Variants in DLG2 observed in about 807,000 individuals in gnomAD.
The protein encoded by DLG2 is discs large MAGUK scaffold protein 2, also known as disks large homolog 2.
Under a neutral mutation model 132.5 loss-of-function variants are expected in DLG2, and 45 were observed. The ratio of observed to expected loss-of-function variants is 0.34; its 90% CI spans 0.27 to 0.44. DLG2 has a LOEUF of 0.44. DLG2 is among the 20% of genes least tolerant of loss of function. The pLI is 1.00. For synonymous variants in DLG2, 424 were observed against 419.6 expected (o/e 1.01, Z -0.13); for missense variants, 1,045 against 1,196.9 (o/e 0.87, Z 1.87).
chr11:84,269,110 A>G (rs956372899), intron 7 of DLG2, among the ~76,000 whole-genome samples: 8 of 152,168 alleles, frequency 5.3e-5, no homozygotes, highest in African/African-American at 1.9e-4. Context: ...TTGAATTGCA[A>G]TTGTGAGAAA....
intron 6 of DLG2, among the ~76,000 whole-genome samples, chr11:84,836,917 T>C (rs551508970): frequency 5.3e-5 from 8 of 152,004 alleles, no homozygotes; most frequent in African/African-American, 1.7e-4. Flanking sequence ...CGTGCAGGTT[T>C]GTTACAGATG....
intron 7 of DLG2, among the ~76,000 whole-genome samples, chr11:84,349,915 C>T (rs1357024828): frequency 6.6e-6 from 1 of 151,824 alleles, no homozygotes; most frequent in Admixed American, 6.6e-5. Context: ...CGGTGGCTCA[C>T]GCCTGTAATC....
chr11:83,822,786 T>G (rs2051214785), intron 17 of DLG2, among the ~76,000 whole-genome samples: 1 of 152,142 alleles, frequency 6.6e-6, no homozygotes, highest in Admixed American at 6.5e-5. Flanking sequence ...TTTTTTCATA[T>G]AAGTTACCTG....
chr11:84,706,201 G>A (rs1565718290), intron 6 of DLG2, among the ~76,000 whole-genome samples: 1 of 151,738 alleles, frequency 6.6e-6, no homozygotes, highest in Non-Finnish European at 1.5e-5. Context: ...GATCAATACT[G>A]TATTTGCTAA....
rs149830007 is a variant in DLG2, at chr11:83,539,249, T to C, written c.2117+2433A>G. Among the ~76,000 whole-genome samples, 148 of 152,286 alleles carry C rather than the reference T, an allele frequency of 9.7e-4. 1 individual carries two copies. Among genetic ancestry groups the C allele is most frequent in the South Asian group, 8.9e-3 (43 of 4,826 alleles). On this transcript the variant is annotated intron_variant, in intron 20 of 27. Coordinates refer to ENST00000376104, the MANE Select transcript of DLG2 (RefSeq NM_001142699.3). Reference sequence around the variant, plus strand: ...TCATACTCTTCATCTCATGGTTTCATTTGGGATGATTAAATGACATTATCA... The same window carrying C: ...TCATACTCTTCATCTCATGGTTTCACTTGGGATGATTAAATGACATTATCA...
chr11:85,585,801 C>T (rs917085988), intron 3 of DLG2, among the ~76,000 whole-genome samples: 2 of 151,926 alleles, frequency 1.3e-5, no homozygotes, highest in Admixed American at 1.3e-4. Context: ...GCAACCTCTG[C>T]CTCCCAGGTT....
intron 18 of DLG2, among the ~76,000 whole-genome samples, chr11:83,767,225 A>C (rs2094182347): frequency 6.6e-6 from 1 of 152,110 alleles, no homozygotes; most frequent in East Asian, 1.9e-4. Context: ...TTTAGGATAA[A>C]ATTTTATTTT....
At chr11:83,728,555 C>T (rs1421794874) in intron 18 of DLG2, among the ~76,000 whole-genome samples, 1 of 152,240 alleles carries the variant, frequency 6.6e-6, no homozygotes, top group Non-Finnish European at 1.5e-5. Context: ...CAGCATTTCT[C>T]ACACTATCCT....
chr11:85,358,491 C>T (rs1185614416), intron 3 of DLG2, among the ~76,000 whole-genome samples: 3 of 152,172 alleles, frequency 2.0e-5, no homozygotes, highest in Non-Finnish European at 4.4e-5. Flanking sequence ...GAACCATGCT[C>T]TAAAAATTAT....
intron 18 of DLG2, among the ~76,000 whole-genome samples, chr11:83,713,892 A>G (rs1259568513): frequency 2.0e-5 from 3 of 152,176 alleles, no homozygotes; most frequent in African/African-American, 7.2e-5. Context: ...AAGGATGAAA[A>G]GAGCATTGGC....
intron 6 of DLG2, among the ~76,000 whole-genome samples, chr11:84,844,121 GTGTGTGTGTGTGTGTATA>G (rs1317791628): frequency 2.9e-4 from 7 of 23,756 alleles, no homozygotes; most frequent in Admixed American, 4.0e-4. Flanking sequence ...GTGTGTGTGT[GTGTGTGTGTGTGTGTATA>G]TATATATATA....
In DLG2 at chr11:83,471,818, C is replaced by G. The variant is rs1161478123; in HGVS notation, c.2345-91G>C. The G allele has an allele frequency of 3.0e-6, 3 of 996,972 alleles. No individual in the cohort carries two copies. In the African/African-American group the frequency reaches 4.8e-5, roughly 16 times the overall value. The allele number at this position is 996,972 out of a possible 1,614,324, so 61.8% of individuals were successfully genotyped here. On this transcript the variant is annotated intron_variant, in intron 23 of 27. Coordinates refer to ENST00000376104, the MANE Select transcript of DLG2 (RefSeq NM_001142699.3). ...GCAAGGGTGATTCTTAATTGCCAGA[C>G]AGTAAGAGATGCTAAGGGCATTACT...
At chr11:84,660,700 A>G (rs1200169985) in intron 6 of DLG2, among the ~76,000 whole-genome samples, 1 of 152,194 alleles carries the variant, frequency 6.6e-6, no homozygotes, top group Admixed American at 6.6e-5. Context: ...ACGCATTTTC[A>G]TATGAAAGCC....
intron 19 of DLG2, 41 bp from the exon 20 acceptor site, chr11:83,541,899 G>A (rs372251572): frequency 2.9e-5 from 44 of 1,536,662 alleles, no homozygotes; most frequent in Non-Finnish European, 3.7e-5. Flanking sequence ...AGGAATCTCT[G>A]GCAGCACAGA....
intron 7 of DLG2, among the ~76,000 whole-genome samples, chr11:84,275,379 G>A (rs2154366939): frequency 6.6e-6 from 1 of 151,482 alleles, no homozygotes; most frequent in African/African-American, 2.4e-5. Flanking sequence ...TCTTGAGACG[G>A]AGTCTCGCTC....
At chr11:84,485,067 AATTG>A (rs2154494361) in intron 7 of DLG2, among the ~76,000 whole-genome samples, 1 of 152,124 alleles carries the variant, frequency 6.6e-6, no homozygotes, top group East Asian at 1.9e-4. Flanking sequence ...TTGCTTAAGT[AATTG>A]ATTGCACAGC....
chr11:84,822,699 A>C (rs2077840275), intron 6 of DLG2, among the ~76,000 whole-genome samples: 2 of 151,906 alleles, frequency 1.3e-5, no homozygotes, highest in Non-Finnish European at 2.9e-5. Context: ...TCTTATGGAG[A>C]GAGAAGGACT....
At chr11:83,558,121 T>C (rs1487165127) in intron 19 of DLG2, among the ~76,000 whole-genome samples, 2 of 152,180 alleles carry the variant, frequency 1.3e-5, no homozygotes, top group African/African-American at 4.8e-5. Flanking sequence ...GTTCATAATT[T>C]CTCCAAACTG....
At chr11:84,570,855 CT>C (rs1243210101) in intron 6 of DLG2, among the ~76,000 whole-genome samples, 14 of 152,206 alleles carry the variant, frequency 9.2e-5, no homozygotes, top group African/African-American at 3.4e-4. Context: ...AAAATTTCCT[CT>C]GCATTTTATT....
Sources: allele counts gnomAD v4.1 joint callset (sites outside exome capture counted in the v4.1 genomes callset), GRCh38; gene constraint gnomAD v4.1.1; transcripts MANE v1.5; gene names NCBI Gene and HGNC (gene_info 2026-07-23, HGNC 2026-07-21).